HSD17B12: variants seen among roughly 807,000 people sequenced by gnomAD.
HSD17B12 encodes very-long-chain 3-oxoacyl-CoA reductase.
In HSD17B12, 32 loss-of-function variants were observed where a neutral mutation model predicts 39.3. The observed-to-expected ratio is 0.81, with a 90% confidence interval of 0.61 to 1.09. The LOEUF is 1.09. Among genes scored for constraint, HSD17B12 ranks in the 50% least tolerant of loss-of-function variants. The probability of loss-of-function intolerance (pLI) is 0.00; values close to 1 mark genes in which losing one functional copy is unlikely to be tolerated. For synonymous variants in HSD17B12, 150 were observed against 146.7 expected (o/e 1.02, Z -0.16); for missense variants, 342 against 382.9 (o/e 0.89, Z 0.89).
chr11:43,594,374 G>GA, the HSD17B12 span, among the ~76,000 whole-genome samples: 1 of 151,510 alleles, frequency 6.6e-6, no homozygotes, highest in Non-Finnish European at 1.5e-5. Context: ...TCAGCAAATA[G>GA]AAAATACATA....
chr11:43,612,048 C>T, the HSD17B12 span, among the ~76,000 whole-genome samples: 1 of 152,172 alleles, frequency 6.6e-6, no homozygotes, highest in Non-Finnish European at 1.5e-5. Context: ...AAATTCCAAA[C>T]ATTCTTTCTA....
Position 43,680,988 on chromosome 11 carries a change from G to A in HSD17B12, c.160+1G>A, listed in dbSNP as rs745951918. On this transcript the variant is annotated splice_donor_variant, in intron 1 of 10. Coordinates refer to ENST00000278353, the MANE Select transcript of HSD17B12 (RefSeq NM_016142.3). LOFTEE classifies it high-confidence loss of function. ...GGCCCGGGGCTCGGAGAATGGGCAG[G>A]TGAGTCGGATGCAGCGCCGCGTCCT... 1.9e-6 allele frequency: 3 copies of A among 1,593,202 alleles called. No individual in the cohort carries two copies. Among genetic ancestry groups the A allele is most frequent in the Non-Finnish European group, 2.6e-6 (3 of 1,167,076 alleles).
At chr11:43,826,350 T>A (rs1330321705) in intron 6 of HSD17B12, among the ~76,000 whole-genome samples, 1 of 152,092 alleles carries the variant, frequency 6.6e-6, no homozygotes, top group Non-Finnish European at 1.5e-5. Flanking sequence ...CCCAAAGAGC[T>A]GGGATTACAG....
At chr11:43,772,187 C>T (rs1950656762) in intron 3 of HSD17B12, among the ~76,000 whole-genome samples, 1 of 152,170 alleles carries the variant, frequency 6.6e-6, no homozygotes, top group African/African-American at 2.4e-5. Context: ...AGTGAGGAGA[C>T]ATAAAGTACA....
the HSD17B12 span, among the ~76,000 whole-genome samples, chr11:43,563,425 C>A: frequency 6.6e-6 from 1 of 152,188 alleles, no homozygotes; most frequent in Admixed American, 6.5e-5. Flanking sequence ...TGCTCAGTGT[C>A]CCATTCTGTT....
intron 6 of HSD17B12, among the ~76,000 whole-genome samples, chr11:43,820,151 A>G (rs1388703930): frequency 6.6e-6 from 1 of 152,150 alleles, no homozygotes; most frequent in East Asian, 1.9e-4. Flanking sequence ...AGCAGGTAAG[A>G]AGAGGAAGTT....
chr11:43,711,973 A>G (rs1466132725), intron 1 of HSD17B12, among the ~76,000 whole-genome samples: 5 of 152,142 alleles, frequency 3.3e-5, no homozygotes, highest in Admixed American at 3.3e-4. Context: ...GGCACTGTAA[A>G]ATTTAACCTG....
At chr11:43,634,841 C>T in the HSD17B12 span, among the ~76,000 whole-genome samples, 1 of 152,088 alleles carries the variant, frequency 6.6e-6, no homozygotes, top group African/African-American at 2.4e-5. Context: ...TATTTAAGAA[C>T]GCGTGTGTAC....
At chr11:43,599,637 C>G in the HSD17B12 span, among the ~76,000 whole-genome samples, 2 of 152,020 alleles carry the variant, frequency 1.3e-5, no homozygotes, top group African/African-American at 4.8e-5. Flanking sequence ...AAGGTTATTT[C>G]TTTATTTATA....
intron 4 of HSD17B12, among the ~76,000 whole-genome samples, chr11:43,799,027 TA>T (rs1950941061): frequency 6.6e-6 from 1 of 152,172 alleles, no homozygotes. Context: ...ATGGTAGTTA[TA>T]TTGTAATAAT....
At chr11:43,690,985 C>T (rs146288960) in intron 1 of HSD17B12, among the ~76,000 whole-genome samples, 13 of 152,268 alleles carry the variant, frequency 8.5e-5, no homozygotes, top group African/African-American at 2.9e-4. Context: ...CATCTTTTCC[C>T]GACTTTCCCT....
At chr11:43,653,440 G>T in the HSD17B12 span, among the ~76,000 whole-genome samples, 1 of 151,968 alleles carries the variant, frequency 6.6e-6, no homozygotes, top group Non-Finnish European at 1.5e-5. Flanking sequence ...TAGGGTACAT[G>T]TGCACAACTT....
At chr11:43,750,821 G>T (rs938000950) in intron 1 of HSD17B12, 90 bp from the exon 2 acceptor site, 1 of 814,778 alleles carries the variant, frequency 1.2e-6, no homozygotes, top group South Asian at 1.7e-5. Context: ...TGTCACACTG[G>T]TCCTTTTGTA....
At chr11:43,595,662 C>CAA in the HSD17B12 span, among the ~76,000 whole-genome samples, 2 of 150,600 alleles carry the variant, frequency 1.3e-5, no homozygotes, top group Non-Finnish European at 3.0e-5. Context: ...TTAACACCAA[C>CAA]AAAAAAAAAT....
chr11:43,734,344 T>G, intron 1 of HSD17B12: 3 of 993,678 alleles, frequency 3.0e-6, no homozygotes, highest in Non-Finnish European at 4.8e-6. Context: ...GGGCCAGATC[T>G]GTGGTGGAAA....
the HSD17B12 span, among the ~76,000 whole-genome samples, chr11:43,662,783 A>C: frequency 6.6e-6 from 1 of 152,292 alleles, no homozygotes; most frequent in Admixed American, 6.5e-5. Flanking sequence ...GACCACTTAG[A>C]CTATTGACTA....
the HSD17B12 span, chr11:43,645,935 T>G: frequency 6.6e-6 from 1 of 152,496 alleles, no homozygotes; most frequent in Non-Finnish European, 1.5e-5. Flanking sequence ...GAACGGAGAT[T>G]GTGCCACTGC....
the HSD17B12 span, among the ~76,000 whole-genome samples, chr11:43,637,181 T>C: frequency 6.6e-6 from 1 of 151,596 alleles, no homozygotes; most frequent in Non-Finnish European, 1.5e-5. Flanking sequence ...AGACTGATGA[T>C]GGTAGTGACT....
At chr11:43,739,213 T>A (rs539644753) in intron 1 of HSD17B12, among the ~76,000 whole-genome samples, 2 of 152,194 alleles carry the variant, frequency 1.3e-5, no homozygotes, top group Non-Finnish European at 2.9e-5. Flanking sequence ...CCAACTGGCA[T>A]GATCAGCTTT....
Sources: allele counts gnomAD v4.1 joint callset (sites outside exome capture counted in the v4.1 genomes callset), GRCh38; gene constraint gnomAD v4.1.1; transcripts MANE v1.5; gene names NCBI Gene and HGNC (gene_info 2026-07-23, HGNC 2026-07-21).